Variants in SLC22A3 observed in about 807,000 individuals in gnomAD.
SLC22A3 encodes the protein solute carrier family 22 member 3.
SLC22A3 carries 51 observed loss-of-function variants against 59.1 expected under a neutral mutation model. That is an observed-to-expected ratio of 0.86 (90% CI 0.69 to 1.09). The LOEUF is 1.09. SLC22A3 is among the 50% of genes least tolerant of loss of function. The probability of loss-of-function intolerance (pLI) is 0.00; values close to 1 mark genes in which losing one functional copy is unlikely to be tolerated. For missense variants in SLC22A3, 711 were observed against 726.3 expected, an observed-to-expected ratio of 0.98 and a Z score of 0.24; for synonymous variants, 325 against 292.0, an observed-to-expected ratio of 1.11 and a Z score of -1.15.
intron 1 of SLC22A3, among the ~76,000 whole-genome samples, chr6:160,383,770 T>G (rs751052811): frequency 1.6e-4 from 24 of 151,782 alleles, no homozygotes; most frequent in Non-Finnish European, 2.6e-4. Flanking sequence ...TATCCAACCA[T>G]GGATAGAATA....
chr6:160,409,870 A>T (rs1393639173), intron 4 of SLC22A3, among the ~76,000 whole-genome samples: 2 of 152,234 alleles, frequency 1.3e-5, no homozygotes, highest in African/African-American at 4.8e-5. Flanking sequence ...GTATTTCAAC[A>T]TGCAAATTAA....
intron 1 of SLC22A3, among the ~76,000 whole-genome samples, chr6:160,361,486 T>C (rs2114752262): frequency 6.6e-6 from 1 of 152,344 alleles, no homozygotes; most frequent in South Asian, 2.1e-4. Context: ...TTATGGGAGT[T>C]ATACAATGCA....
chr6:160,430,333 G>A (rs1788105154), intron 5 of SLC22A3, among the ~76,000 whole-genome samples: 1 of 152,098 alleles, frequency 6.6e-6, no homozygotes, highest in Admixed American at 6.6e-5. Context: ...AATACCACAT[G>A]TCTGGCCTAA....
rs3088442 is a variant in SLC22A3 at position 160,451,620 on chromosome 6, G to A, written c.*564G>A. ...ATGTTCTCTGCTCACCTTGGTTTCC[G>A]CACACCTTCGCAATGTGAACAGGTC... On this transcript the variant is annotated 3_prime_UTR_variant, in exon 11 of 11. Coordinates refer to ENST00000275300, the MANE Select transcript of SLC22A3 (RefSeq NM_021977.4). 0.29 allele frequency: 45,810 copies of A among 157,666 alleles called. 8,171 individuals are homozygous for A. The highest frequency in any genetic ancestry group is 0.46 in the East Asian group (2,523 of 5,496). The allele number at this position is 157,666 out of a possible 1,614,324, so 9.8% of individuals were successfully genotyped here.
At chr6:160,444,297 G>A (rs1303985389) in intron 9 of SLC22A3, among the ~76,000 whole-genome samples, 2 of 152,086 alleles carry the variant, frequency 1.3e-5, no homozygotes, top group Non-Finnish European at 2.9e-5. Context: ...AGGCTGCAGT[G>A]AGCTATGGTC....
chr6:160,349,092 G>A, intron 1 of SLC22A3: 1 of 985,070 alleles, frequency 1.0e-6, no homozygotes, highest in South Asian at 4.7e-5. Flanking sequence ...GGTTTCGGGT[G>A]TGAACAAAAA....
At chr6:160,369,318 C>T (rs1287347655) in intron 1 of SLC22A3, among the ~76,000 whole-genome samples, 1 of 152,230 alleles carries the variant, frequency 6.6e-6, no homozygotes, top group Non-Finnish European at 1.5e-5. Flanking sequence ...GCTGCTGTAG[C>T]ATGCTAACAT....
chr6:160,364,117 T>A (rs1363543197), intron 1 of SLC22A3, among the ~76,000 whole-genome samples: 3 of 152,088 alleles, frequency 2.0e-5, no homozygotes, highest in Admixed American at 2.0e-4. Flanking sequence ...CCATTTGAAA[T>A]AGCTACTACA....
rs148737877 is a variant in SLC22A3 at position 160,446,200 on chromosome 6, A to C, written c.1511-1519A>C. 1.6e-4 allele frequency among the ~76,000 whole-genome samples: 25 copies of C among 152,306 alleles called. No homozygotes were observed. The East Asian group carries it at 4.8e-3, about 29-fold the overall frequency. ...ACATGTGGATCTGGTGGCCAGCAAG[A>C]GGCAGAAGGAACCTGACTGGAGCAG... is the stretch of plus-strand genomic sequence containing the variant. On this transcript the variant is annotated intron_variant, in intron 9 of 10. Transcript: ENST00000275300.
chr6:160,360,633 C>G (rs755509349), intron 1 of SLC22A3, among the ~76,000 whole-genome samples: 1 of 152,174 alleles, frequency 6.6e-6, no homozygotes, highest in Admixed American at 6.5e-5. Context: ...TGTCCTGACC[C>G]GGAAAGCATT....
chr6:160,418,665 T>G (rs544439892), intron 5 of SLC22A3, among the ~76,000 whole-genome samples: 3 of 152,278 alleles, frequency 2.0e-5, no homozygotes, highest in Admixed American at 1.3e-4. Context: ...GCAGCAGTTT[T>G]GGTTTCCTTT....
At chr6:160,350,586 G>A (rs2484241) in intron 1 of SLC22A3, among the ~76,000 whole-genome samples, 22,549 of 152,182 alleles carry the variant, frequency 0.15, 2,189 homozygotes, top group Non-Finnish European at 0.21. Context: ...GGACCCACAT[G>A]GAGGGCAGAC....
intron 1 of SLC22A3, among the ~76,000 whole-genome samples, chr6:160,352,975 C>T (rs956705026): frequency 2.0e-5 from 3 of 152,178 alleles, no homozygotes; most frequent in Non-Finnish European, 4.4e-5. Context: ...CACCCGCCAC[C>T]GCGCCTGGCT....
chr6:160,436,283 T>C (rs1567442), intron 5 of SLC22A3, among the ~76,000 whole-genome samples: 39,610 of 152,158 alleles, frequency 0.26, 5,420 homozygotes, highest in South Asian at 0.39. Context: ...GTTTCTTGGA[T>C]GGCCAGCTAG....
At chr6:160,430,655 G>C (rs998612076) in intron 5 of SLC22A3, among the ~76,000 whole-genome samples, 1 of 152,114 alleles carries the variant, frequency 6.6e-6, no homozygotes, top group Non-Finnish European at 1.5e-5. Context: ...TAAATACAAG[G>C]AAACTAACCT....
chr6:160,348,992 T>G (rs1054857006), intron 1 of SLC22A3, 144 bp downstream of exon 1: 48 of 1,504,154 alleles, frequency 3.2e-5, no homozygotes, highest in Middle Eastern at 2.4e-4. Flanking sequence ...CAGACAGGAT[T>G]CAGCGCACCC....
chr6:160,405,508 G>T (rs562431790), intron 2 of SLC22A3, among the ~76,000 whole-genome samples: 1 of 152,104 alleles, frequency 6.6e-6, no homozygotes, highest in Admixed American at 6.5e-5. Flanking sequence ...ACACATTTTT[G>T]TAATTCTTAC....
At chr6:160,409,021 T>TC (rs1317307894) in intron 4 of SLC22A3, 100 bp downstream of exon 4, 18 of 1,035,526 alleles carry the variant, frequency 1.7e-5, no homozygotes, top group Admixed American at 2.7e-5. Flanking sequence ...TTTTCTTTTT[T>TC]TTTTTTTTTT....
At chr6:160,356,941 T>C (rs1018416650) in intron 1 of SLC22A3, among the ~76,000 whole-genome samples, 1 of 152,200 alleles carries the variant, frequency 6.6e-6, no homozygotes, top group Non-Finnish European at 1.5e-5. Flanking sequence ...ACTTGTGTGA[T>C]AATAGAGAAA....
Sources: gnomAD v4.1 joint callset for allele counts (sites outside exome capture counted in the v4.1 genomes callset) on GRCh38, gnomAD v4.1.1 for gene constraint, MANE v1.5 for transcripts, NCBI Gene and HGNC (gene_info 2026-07-23, HGNC 2026-07-21) for gene names.